Variants in INPP4B observed in about 807,000 individuals in gnomAD.
INPP4B encodes the protein inositol polyphosphate-4-phosphatase type II B.
INPP4B carries 55 observed loss-of-function variants against 122.5 expected under a neutral mutation model. The ratio of observed to expected loss-of-function variants is 0.45; its 90% CI spans 0.36 to 0.56. The LOEUF is 0.56. Among genes scored for constraint, INPP4B ranks in the 20% least tolerant of loss-of-function variants. INPP4B has a pLI of 0.00. For synonymous variants in INPP4B, 403 were observed against 388.7 expected, an observed-to-expected ratio of 1.04 and a Z score of -0.43; for missense variants, 1,000 against 1,097.7, an observed-to-expected ratio of 0.91 and a Z score of 1.26.
intron 1 of INPP4B, among the ~76,000 whole-genome samples, chr4:142,743,906 C>A (rs1339610184): frequency 6.6e-6 from 1 of 151,618 alleles, no homozygotes; most frequent in African/African-American, 2.4e-5. Context: ...CTTATATTAC[C>A]AGATTACTAG....
chr4:142,159,293 AG>A (rs1818839895), intron 17 of INPP4B, among the ~76,000 whole-genome samples: 3 of 151,842 alleles, frequency 2.0e-5, no homozygotes, highest in Admixed American at 2.0e-4. Flanking sequence ...TGAAGGTAAA[AG>A]GGAGAAAGAA....
intron 1 of INPP4B, among the ~76,000 whole-genome samples, chr4:142,824,296 T>TTATCTATCTATCTATCTATCTATCTATC (rs369651255): frequency 6.6e-6 from 1 of 150,546 alleles, no homozygotes; most frequent in African/African-American, 2.5e-5. Flanking sequence ...TACCTATCTA[T>TTATCTATCTATCTATCTATCTATCTATC]TATCTATCTG....
intron 2 of INPP4B, among the ~76,000 whole-genome samples, chr4:142,485,559 G>T (rs1036527457): frequency 3.9e-5 from 6 of 152,062 alleles, no homozygotes; most frequent in Admixed American, 3.9e-4. Flanking sequence ...CAAATATTAT[G>T]ACTTCTACTT....
chr4:142,214,799 C>T lies in INPP4B; in HGVS notation c.837-5773G>A, dbSNP rs919090964. ...AACTCCTGACCTCAGGTGATCCACC[C>T]GTCTCAGCCTCCCAAAGTGCTGGGA... is the stretch of plus-strand genomic sequence containing the variant. On this transcript the variant is annotated intron_variant, in intron 12 of 25. Coordinates refer to ENST00000262992, the MANE Select transcript of INPP4B (RefSeq NM_001101669.3). 6.6e-5 allele frequency among the ~76,000 whole-genome samples: 10 copies of T among 152,276 alleles called. No homozygotes were observed. The East Asian group carries it at 1.5e-3, about 24-fold the overall frequency.
chr4:142,030,064 A>G, intron 25 of INPP4B: 3 of 1,433,502 alleles, frequency 2.1e-6, no homozygotes, highest in Non-Finnish European at 2.8e-6. Flanking sequence ...ATATTACAGC[A>G]TTGTCCCCAT....
chr4:142,781,820 C>T (rs1774871344), intron 1 of INPP4B, among the ~76,000 whole-genome samples: 1 of 151,978 alleles, frequency 6.6e-6, no homozygotes, highest in Admixed American at 6.6e-5. Flanking sequence ...TGGAAATGGA[C>T]TTTGCATAAG....
At chr4:142,433,872 G>C (rs1452509909) in intron 3 of INPP4B, among the ~76,000 whole-genome samples, 1 of 152,042 alleles carries the variant, frequency 6.6e-6, no homozygotes, top group African/African-American at 2.4e-5. Flanking sequence ...ATATACCAGA[G>C]TTCTCATCAA....
intron 1 of INPP4B, among the ~76,000 whole-genome samples, chr4:142,802,469 C>A (rs1304657958): frequency 1.3e-5 from 2 of 152,108 alleles, no homozygotes; most frequent in Non-Finnish European, 2.9e-5. Flanking sequence ...CACAGAGAAG[C>A]CTTCCCAGAG....
chr4:142,077,696 A>G (rs867506136), intron 25 of INPP4B, among the ~76,000 whole-genome samples: 2 of 151,948 alleles, frequency 1.3e-5, no homozygotes, highest in South Asian at 4.2e-4. Flanking sequence ...TTTCTTAAAA[A>G]AAAAAACCTG....
intron 9 of INPP4B, among the ~76,000 whole-genome samples, chr4:142,272,375 G>A (rs761367892): frequency 6.6e-6 from 1 of 151,802 alleles, no homozygotes; most frequent in Non-Finnish European, 1.5e-5. Context: ...CTGATAGCAT[G>A]TACACAGCTG....
intron 2 of INPP4B, among the ~76,000 whole-genome samples, chr4:142,656,233 T>C (rs536073758): frequency 9.2e-5 from 14 of 152,188 alleles, no homozygotes; most frequent in Non-Finnish European, 1.6e-4. Context: ...TCTCACCCAA[T>C]AGAACCCTGT....
At chr4:142,385,289 A>T (rs1437252711) in intron 7 of INPP4B, among the ~76,000 whole-genome samples, 1 of 151,918 alleles carries the variant, frequency 6.6e-6, no homozygotes, top group Non-Finnish European at 1.5e-5. Context: ...TGACTTTTCA[A>T]TTATAGCCAT....
intron 14 of INPP4B, among the ~76,000 whole-genome samples, chr4:142,204,611 C>T (rs1841938356): frequency 6.6e-6 from 1 of 151,908 alleles, no homozygotes; most frequent in Non-Finnish European, 1.5e-5. Context: ...AGATATAATC[C>T]ACTTGAAATA....
intron 1 of INPP4B, among the ~76,000 whole-genome samples, chr4:142,737,353 C>G (rs886796344): frequency 6.6e-6 from 1 of 152,046 alleles, no homozygotes; most frequent in Non-Finnish European, 1.5e-5. Context: ...CAAAAACAAG[C>G]AATGGGGAAA....
At chr4:142,064,154 A>C (rs985072324) in intron 25 of INPP4B, among the ~76,000 whole-genome samples, 1 of 152,234 alleles carries the variant, frequency 6.6e-6, no homozygotes, top group Non-Finnish European at 1.5e-5. Context: ...ACATTGTTGT[A>C]CAGCAAAGTT....
intron 1 of INPP4B, among the ~76,000 whole-genome samples, chr4:142,826,562 C>T (rs1781491848): frequency 2.0e-5 from 3 of 152,004 alleles, no homozygotes; most frequent in South Asian, 2.1e-4. Context: ...ATTCAAATCT[C>T]TTAAAATTTT....
rs1242581670 is a variant in INPP4B, at chr4:142,846,021, TAA to T, written c.-254+186_-254+187del. Among the ~76,000 whole-genome samples the T allele has an allele frequency of 6.6e-6, 1 of 151,676 alleles. No individual in the cohort carries two copies. Among genetic ancestry groups the T allele is most frequent in the East Asian group, 2.0e-4 (1 of 5,088 alleles). On this transcript the variant is annotated intron_variant, in intron 1 of 25. Coordinates refer to ENST00000262992, the MANE Select transcript of INPP4B (RefSeq NM_001101669.3). The surrounding 1 kb of genome is among the most constrained non-coding windows in gnomAD (Gnocchi z 5.1). ...AGACAGCCCACCCCACCCTTTAAGC[TAA>T]AGAGCTGGAGGGGTGATGGAGGCTG...
At chr4:142,791,715 G>T (rs771090052) in intron 1 of INPP4B, among the ~76,000 whole-genome samples, 14 of 151,946 alleles carry the variant, frequency 9.2e-5, no homozygotes, top group Admixed American at 2.0e-4. Flanking sequence ...ATCATGAATG[G>T]CTTCTTTTTG....
chr4:142,078,236 T>A (rs1474442534), intron 25 of INPP4B, among the ~76,000 whole-genome samples: 1 of 151,998 alleles, frequency 6.6e-6, no homozygotes, highest in Non-Finnish European at 1.5e-5. Flanking sequence ...TGGATTCAGG[T>A]GGTGAGCTGA....
Sources: gnomAD v4.1 joint callset for allele counts (sites outside exome capture counted in the v4.1 genomes callset) on GRCh38, gnomAD v4.1.1 for gene constraint, Gnocchi (gnomAD v3.1) non-coding constraint, MANE v1.5 for transcripts, NCBI Gene and HGNC (gene_info 2026-07-23, HGNC 2026-07-21) for gene names.